The following FRMD6 variants were observed in gnomAD, a reference collection of about 807,000 sequenced individuals.
FRMD6 encodes FERM domain containing 6, also known as FERM domain-containing protein 6.
Under a neutral mutation model 73.2 loss-of-function variants are expected in FRMD6, and 37 were observed. The ratio of observed to expected loss-of-function variants is 0.51; its 90% CI spans 0.39 to 0.66. The LOEUF (loss-of-function observed/expected upper bound fraction) is 0.66, where lower values mean the gene tolerates loss of function less well. Among genes scored for constraint, FRMD6 ranks in the 30% least tolerant of loss-of-function variants. The pLI, the probability that FRMD6 is intolerant of heterozygous loss-of-function variation, is 0.00. For missense variants in FRMD6, 714 were observed against 780.5 expected (o/e 0.91, Z 1.02); for synonymous variants, 273 against 282.2 (o/e 0.97, Z 0.33).
At chr14:51,658,592 A>T (rs913117756) in intron 1 of FRMD6, among the ~76,000 whole-genome samples, 1 of 151,870 alleles carries the variant, frequency 6.6e-6, no homozygotes, top group African/African-American at 2.4e-5. Flanking sequence ...TTCCACCCCC[A>T]TCCAGTTATC....
chr14:51,662,888 A>G (rs942183176), intron 1 of FRMD6, among the ~76,000 whole-genome samples: 5 of 152,246 alleles, frequency 3.3e-5, no homozygotes, highest in Non-Finnish European at 7.3e-5. Flanking sequence ...GTATGTACTG[A>G]CAAAGGTCTA....
chr14:51,727,148 A>G (rs529218931), intron 13 of FRMD6, among the ~76,000 whole-genome samples: 1 of 152,218 alleles, frequency 6.6e-6, no homozygotes, highest in East Asian at 1.9e-4. Flanking sequence ...AGAACACCCT[A>G]TATCCTACCC....
chr14:51,507,083 GAC>G (rs200052672), intron 1 of FRMD6, among the ~76,000 whole-genome samples: 7,496 of 138,760 alleles, frequency 0.054, 192 homozygotes, highest in East Asian at 0.1. Context: ...TGGTTGTATA[GAC>G]ACACACACAC....
At chr14:51,471,867 G>T in the FRMD6 span, among the ~76,000 whole-genome samples, 1 of 152,176 alleles carries the variant, frequency 6.6e-6, no homozygotes, top group African/African-American at 2.4e-5. Flanking sequence ...CCCAAGAAAT[G>T]ATATAAGAAT....
At chr14:51,558,893 G>A (rs910665473) in intron 1 of FRMD6, among the ~76,000 whole-genome samples, 16 of 152,082 alleles carry the variant, frequency 1.1e-4, no homozygotes, top group African/African-American at 3.9e-4. Flanking sequence ...TTCCCTGATT[G>A]TACCACTCTT....
intron 2 of FRMD6, among the ~76,000 whole-genome samples, chr14:51,691,908 T>C (rs1425911807): frequency 6.6e-6 from 1 of 151,952 alleles, no homozygotes; most frequent in Non-Finnish European, 1.5e-5. Context: ...TTACTATATT[T>C]TTAATCCAAT....
chr14:51,495,167 T>C (rs1883223510), intron 1 of FRMD6, among the ~76,000 whole-genome samples: 2 of 152,246 alleles, frequency 1.3e-5, no homozygotes, highest in African/African-American at 4.8e-5. Flanking sequence ...ACAATTCAAC[T>C]AAGGTATTTG....
At chr14:51,678,842 G>C (rs1894580994) in intron 1 of FRMD6, among the ~76,000 whole-genome samples, 1 of 149,986 alleles carries the variant, frequency 6.7e-6, no homozygotes, top group Admixed American at 6.7e-5. Context: ...TTTGGAGTGG[G>C]TGGGTGGGTG....
At chr14:51,544,708 G>A (rs114219745) in intron 1 of FRMD6, among the ~76,000 whole-genome samples, 25 of 151,588 alleles carry the variant, frequency 1.6e-4, no homozygotes, top group South Asian at 1.0e-3. Context: ...ACTTTGTTGC[G>A]GCTTTTGGGC....
At chr14:51,660,308 G>T (rs1893126989) in intron 1 of FRMD6, among the ~76,000 whole-genome samples, 1 of 152,106 alleles carries the variant, frequency 6.6e-6, no homozygotes. Flanking sequence ...GTGTGAAGTT[G>T]AGCTTTCGTT....
At chr14:51,609,934 T>C (rs955602649) in intron 2 of FRMD6, among the ~76,000 whole-genome samples, 3 of 152,310 alleles carry the variant, frequency 2.0e-5, no homozygotes, top group Non-Finnish European at 4.4e-5. Context: ...CTCTGCTCAG[T>C]CAGCAGAGAA....
At chr14:51,527,921 A>G (rs1444200115) in intron 1 of FRMD6, among the ~76,000 whole-genome samples, 1 of 152,160 alleles carries the variant, frequency 6.6e-6, no homozygotes, top group Non-Finnish European at 1.5e-5. Context: ...TGGGAGGATC[A>G]CTTAAGCCCA....
chr14:51,620,632 C>T (rs1890891486), intron 2 of FRMD6, among the ~76,000 whole-genome samples: 1 of 152,198 alleles, frequency 6.6e-6, no homozygotes, highest in Admixed American at 6.5e-5. Context: ...AGGAATGTCA[C>T]CTTTCCCAAG....
chr14:51,476,019 C>T, the FRMD6 span, among the ~76,000 whole-genome samples: 1 of 152,112 alleles, frequency 6.6e-6, no homozygotes, highest in Non-Finnish European at 1.5e-5. Context: ...TATTTTAGGA[C>T]CCTGGGGCTG....
rs112838856 is a variant in FRMD6, at chr14:51,689,960, G to T, written c.99+25G>T. The T allele has an allele frequency of 4.1e-5, 58 of 1,429,898 alleles. No homozygotes were observed. The African/African-American group carries it at 5.0e-4, about 12-fold the overall frequency. The allele number at this position is 1,429,898 out of a possible 1,614,324, so 88.6% of individuals were successfully genotyped here. ...TGTGAGTAGATCCAGTTTTAGAAATGTCTAAATATTGTGTTTTCACCAGTG... is the reference window on the plus strand; with the variant it reads ...TGTGAGTAGATCCAGTTTTAGAAATTTCTAAATATTGTGTTTTCACCAGTG... On this transcript the variant is annotated intron_variant, in intron 2 of 13. Transcript: ENST00000344768.
chr14:51,717,132 A>G (rs890718619), intron 10 of FRMD6: 1 of 152,222 alleles, frequency 6.6e-6, no homozygotes, highest in Admixed American at 6.5e-5. Context: ...ATTGCCAACC[A>G]TAGTACCAAG....
chr14:51,715,298 A>C (rs766630738), intron 9 of FRMD6, 27 bp from the exon 10 acceptor site: 1 of 1,454,548 alleles, frequency 6.9e-7, no homozygotes, highest in East Asian at 2.5e-5. Context: ...TTTCTTCCTG[A>C]ATTTGATTCA....
chr14:51,527,344 G>A (rs1180212701), intron 1 of FRMD6, among the ~76,000 whole-genome samples: 1 of 152,170 alleles, frequency 6.6e-6, no homozygotes, highest in Non-Finnish European at 1.5e-5. Context: ...ATCCAGACTG[G>A]TCCTTTACAT....
chr14:51,653,780 A>G (rs575888140), intron 1 of FRMD6, among the ~76,000 whole-genome samples: 17 of 152,322 alleles, frequency 1.1e-4, no homozygotes, highest in African/African-American at 4.1e-4. Context: ...ACTTCACAAT[A>G]TGAGACAGCT....
Sources: allele counts gnomAD v4.1 joint callset (sites outside exome capture counted in the v4.1 genomes callset), GRCh38; gene constraint gnomAD v4.1.1; transcripts MANE v1.5; gene names NCBI Gene and HGNC (gene_info 2026-07-23, HGNC 2026-07-21).